Variants in MAOA observed in about 807,000 individuals in gnomAD.
MAOA encodes monoamine oxidase A.
MAOA carries 6 observed loss-of-function variants against 42.0 expected under a neutral mutation model. That is an observed-to-expected ratio of 0.14 (90% CI 0.08 to 0.28). The LOEUF (loss-of-function observed/expected upper bound fraction) is 0.28, where lower values mean the gene tolerates loss of function less well. Ranked by LOEUF, MAOA falls within the 10% of genes least tolerant of loss-of-function variation. The pLI is 1.00. For missense variants in MAOA, 262 were observed against 422.3 expected (o/e 0.62, Z 3.33); for synonymous variants, 140 against 154.0 (o/e 0.91, Z 0.67).
At chrX:43,699,966 A>C (rs2033610038) in intron 3 of MAOA, among the ~76,000 whole-genome samples, 1 of 112,455 alleles carries the variant, frequency 8.9e-6, no homozygotes, top group South Asian at 3.7e-4. Flanking sequence ...CACAGAAGAT[A>C]TTTCTTTTAT....
intron 5 of MAOA, among the ~76,000 whole-genome samples, chrX:43,718,658 A>T (rs1226611623): frequency 1.8e-5 from 2 of 109,249 alleles, no homozygotes; most frequent in Non-Finnish European, 3.8e-5. Context: ...TTGTGGAATG[A>T]CCCAGAGGGA....
chrX:43,682,758 C>T (rs746553123), intron 1 of MAOA, among the ~76,000 whole-genome samples: 1 of 111,751 alleles, frequency 8.9e-6, no homozygotes, highest in South Asian at 3.7e-4. Flanking sequence ...TGACAAACAC[C>T]ACCTCAGCCA....
At chrX:43,726,985 TG>T (rs990167608) in intron 5 of MAOA, among the ~76,000 whole-genome samples, 3 of 111,723 alleles carry the variant, frequency 2.7e-5, no homozygotes, top group African/African-American at 9.8e-5. Flanking sequence ...TGCTGTTTGC[TG>T]GGGTATCACC....
intron 1 of MAOA, among the ~76,000 whole-genome samples, chrX:43,679,830 C>T (rs756544078): frequency 3.6e-5 from 4 of 112,185 alleles, no homozygotes; most frequent in East Asian, 2.8e-4. Context: ...TCATCACTTT[C>T]GACTTAGTAA....
In MAOA at chrX:43,742,050, A is replaced by G. The variant is rs757773248; in HGVS notation, c.1262+3A>G. On this transcript the variant is annotated splice_donor_region_variant and intron_variant, in intron 12 of 14. Coordinates refer to ENST00000338702, the MANE Select transcript of MAOA (RefSeq NM_000240.4). ...GGGATCATGACTCAATATGGAAGGT[A>G]TTACGCAAGCACTACGCCAATTAAT... 3 of 1,211,468 alleles carry G rather than the reference A, an allele frequency of 2.5e-6. No homozygotes were observed. In the South Asian group the frequency reaches 5.3e-5, roughly 21 times the overall value.
intron 1 of MAOA, among the ~76,000 whole-genome samples, chrX:43,667,140 T>C (rs929362145): frequency 1.1e-4 from 12 of 110,594 alleles, no homozygotes; most frequent in Non-Finnish European, 1.9e-4. Context: ...AAAGTATATA[T>C]ATAAAAAAAG....
intron 1 of MAOA, 103 bp downstream of exon 1, chrX:43,656,517 G>T: frequency 1.3e-6 from 1 of 761,983 alleles, no homozygotes; most frequent in Admixed American, 2.4e-5. Flanking sequence ...ATGCATGCGA[G>T]AGTGTAGTGT....
chrX:43,705,347 G>C (rs916636761), intron 3 of MAOA, among the ~76,000 whole-genome samples: 1 of 112,017 alleles, frequency 8.9e-6, no homozygotes, highest in Non-Finnish European at 1.9e-5. Flanking sequence ...TTTGTCAAGG[G>C]TAGCAAGACA....
chrX:43,700,678 C>A (rs772098773), intron 3 of MAOA, among the ~76,000 whole-genome samples: 2 of 111,873 alleles, frequency 1.8e-5, no homozygotes, highest in African/African-American at 3.3e-5. Flanking sequence ...AATACTAAAT[C>A]TGGAGGTCTA....
intron 10 of MAOA, among the ~76,000 whole-genome samples, chrX:43,738,009 G>A (rs1391335310): frequency 1.8e-5 from 2 of 111,899 alleles, no homozygotes; most frequent in Non-Finnish European, 3.8e-5. Context: ...CAAAAACAGT[G>A]GTTCCCAGAT....
At chrX:43,708,411 T>C (rs1352559413) in intron 3 of MAOA, among the ~76,000 whole-genome samples, 1 of 111,080 alleles carries the variant, frequency 9.0e-6, no homozygotes, top group African/African-American at 3.3e-5. Flanking sequence ...TTTTGGAGAC[T>C]GAGAGGGTCC....
At chrX:43,712,960 G>A (rs1366811926) in intron 5 of MAOA, among the ~76,000 whole-genome samples, 164 bp downstream of exon 5, 1 of 112,557 alleles carries the variant, frequency 8.9e-6, no homozygotes, top group East Asian at 2.8e-4. Flanking sequence ...AAGTAGGTTA[G>A]AACAGAAAAT....
chrX:43,726,576 A>G (rs932528652), intron 5 of MAOA, among the ~76,000 whole-genome samples: 1 of 111,454 alleles, frequency 9.0e-6, no homozygotes, highest in Non-Finnish European at 1.9e-5. Context: ...AATTCGTCTA[A>G]CCTTTTTTCA....
At chrX:43,705,458 A>G (rs2147091268) in intron 3 of MAOA, among the ~76,000 whole-genome samples, 1 of 112,327 alleles carries the variant, frequency 8.9e-6, no homozygotes, top group Non-Finnish European at 1.9e-5. Context: ...CTCACACTAT[A>G]CACAAACATT....
Position 43,683,662 on chromosome X carries a change from G to A in MAOA, c.168+55G>A, listed in dbSNP as rs1478777048. On this transcript the variant is annotated intron_variant, in intron 2 of 14. Transcript: ENST00000338702. ...TAATATCTCACTCAAACTACAAGTG[G>A]CACCACTGGAAATCACAGGGCTAGA... 8.1e-6 allele frequency: 8 copies of A among 991,767 alleles called. No individual in the cohort carries two copies. In the East Asian group the frequency reaches 2.2e-4, roughly 27 times the overall value. 81.7% of individuals were successfully genotyped at this position (991,767 alleles called of 1,213,427 possible). A position where few individuals can be genotyped will look rare whatever the true frequency, so the allele number is the denominator to read the frequency against.
chrX:43,699,137 T>TA (rs1413656036), intron 3 of MAOA, among the ~76,000 whole-genome samples: 3 of 110,919 alleles, frequency 2.7e-5, no homozygotes, highest in Non-Finnish European at 5.7e-5. Context: ...AATATAATTT[T>TA]AAAAATAAAT....
intron 2 of MAOA, among the ~76,000 whole-genome samples, chrX:43,684,536 CAAACAAAACAAAACA>C (rs751315529): frequency 9.7e-6 from 1 of 103,136 alleles, no homozygotes; most frequent in Non-Finnish European, 2.0e-5. Flanking sequence ...AATATGAAGG[CAAACAAAACAAAACA>C]AAACAAAACA....
At position 43,745,896 on chromosome X, in the gene MAOA, A is replaced by G. The variant is rs910609600; in HGVS notation, c.*1383A>G. 8 of 112,079 alleles carry G rather than the reference A, an allele frequency of 7.1e-5. No homozygotes were observed. Among genetic ancestry groups the G allele is most frequent in the African/African-American group, 2.6e-4 (8 of 30,806 alleles). 9.2% of individuals were successfully genotyped at this position (112,079 alleles called of 1,213,427 possible). On this transcript the variant is annotated 3_prime_UTR_variant, in exon 15 of 15. Coordinates refer to ENST00000338702, the MANE Select transcript of MAOA (RefSeq NM_000240.4). Reference sequence around the variant, plus strand: ...AAACCAGCCAACCCAAGTTTATTATATCATTAACCTTATCATAAATTCAAA... The same window carrying G: ...AAACCAGCCAACCCAAGTTTATTATGTCATTAACCTTATCATAAATTCAAA...
intron 3 of MAOA, among the ~76,000 whole-genome samples, chrX:43,695,123 T>G (rs2033566798): frequency 9.0e-6 from 1 of 111,685 alleles, no homozygotes; most frequent in South Asian, 3.8e-4. Flanking sequence ...ATGCTCTTCA[T>G]TATCCCGATA....
Sources: gnomAD v4.1 joint callset for allele counts (sites outside exome capture counted in the v4.1 genomes callset) on GRCh38, gnomAD v4.1.1 for gene constraint, MANE v1.5 for transcripts, NCBI Gene and HGNC (gene_info 2026-07-23, HGNC 2026-07-21) for gene names.